Variants in NTSR1 observed in about 807,000 individuals in gnomAD.
NTSR1 encodes neurotensin receptor type 1.
In NTSR1, 29 loss-of-function variants were observed where a neutral mutation model predicts 31.2. The ratio of observed to expected loss-of-function variants is 0.93; its 90% CI spans 0.69 to 1.27. NTSR1 has a LOEUF of 1.27. Among genes scored for constraint, NTSR1 ranks in the 50% most tolerant of loss-of-function variants. NTSR1 has a pLI of 0.00. For synonymous variants in NTSR1, 282 were observed against 269.9 expected (o/e 1.04, Z -0.44); for missense variants, 697 against 595.4 (o/e 1.17, Z -1.78).
At chr20:62,759,571 G>A (rs1294333729) in intron 3 of NTSR1, among the ~76,000 whole-genome samples, 3 of 152,106 alleles carry the variant, frequency 2.0e-5, no homozygotes, top group African/African-American at 7.2e-5. Flanking sequence ...TCAGGAGATC[G>A]AGACCATCCT....
chr20:62,760,357 G>A lies in NTSR1; in HGVS notation c.*90G>A. On this transcript the variant is annotated 3_prime_UTR_variant, in exon 4 of 4. Transcript: ENST00000370501. The stretch of plus-strand genomic sequence containing the variant: ...GCAGCCCCCACCCGGGAGCCTTGAT[G>A]GGGGTCAGGCAGAGGCCAGCCTGCA... 8 of 1,468,316 alleles carry A rather than the reference G, an allele frequency of 5.4e-6. No individual in the cohort carries two copies. The South Asian group carries it at 6.6e-5, about 12-fold the overall frequency. 91.0% of individuals were successfully genotyped at this position (1,468,316 alleles called of 1,614,324 possible). A position where few individuals can be genotyped will look rare whatever the true frequency, so the allele number is the denominator to read the frequency against.
At chr20:62,716,061 A>G (rs1448159177) in intron 1 of NTSR1, among the ~76,000 whole-genome samples, 1 of 152,236 alleles carries the variant, frequency 6.6e-6, no homozygotes, top group Non-Finnish European at 1.5e-5. Context: ...ATCACTTAAA[A>G]TGTGCTGTTT....
chr20:62,755,178 AC>A (rs1268238312), intron 2 of NTSR1, among the ~76,000 whole-genome samples: 3 of 45,838 alleles, frequency 6.5e-5, no homozygotes, highest in African/African-American at 3.0e-4. Context: ...CTATCCCTCC[AC>A]CCCTCCCTCC....
rs1422978310 is a variant in NTSR1, at chr20:62,762,271, A to T, written c.*2004A>T. ...TGAGCCTCGGTTTCCCCATCTAAGG[A>T]ACAGATGTGGTCGTTCCGCCCTCTC... On this transcript the variant is annotated 3_prime_UTR_variant, in exon 4 of 4. Transcript: ENST00000370501. 6.6e-6 allele frequency: 1 copy of T among 152,168 alleles called. No individual in the cohort carries two copies. The highest frequency in any genetic ancestry group is 2.4e-5 in the African/African-American group (1 of 41,418). The allele number at this position is 152,168 out of a possible 1,614,324, so 9.4% of individuals were successfully genotyped here. A position where few individuals can be genotyped will look rare whatever the true frequency, so the allele number is the denominator to read the frequency against.
rs187121868 is a variant in NTSR1, at chr20:62,743,991, G to T, written c.715-10694G>T. ...CCAACCACCCAGAGGCTGCGCCCCG[G>T]TCCAGATCCCCCTAACACACCTGCT... On this transcript the variant is annotated intron_variant, in intron 1 of 3. Transcript: ENST00000370501. This position sits in a 1 kb window ranked among gnomAD's most constrained non-coding sequence, Gnocchi z 7.5. Among the ~76,000 whole-genome samples the T allele has an allele frequency of 2.3e-3, 349 of 152,228 alleles. No individual in the cohort carries two copies. Among genetic ancestry groups the T allele is most frequent in the African/African-American group, 7.6e-3 (317 of 41,532 alleles).
chr20:62,749,409 T>C (rs1989356321), intron 1 of NTSR1, among the ~76,000 whole-genome samples: 1 of 152,028 alleles, frequency 6.6e-6, no homozygotes, highest in Non-Finnish European at 1.5e-5. Flanking sequence ...GATCTAAACA[T>C]AAAACCTGAA....
chr20:62,759,502 C>T (rs950522508), intron 3 of NTSR1, among the ~76,000 whole-genome samples: 5 of 150,690 alleles, frequency 3.3e-5, no homozygotes, highest in African/African-American at 7.3e-5. Context: ...GGGTGGGACA[C>T]GGTGGCTCAC....
chr20:62,730,687 T>C (rs542752148), intron 1 of NTSR1, among the ~76,000 whole-genome samples: 1 of 152,370 alleles, frequency 6.6e-6, no homozygotes, highest in African/African-American at 2.4e-5. Context: ...GGCTGCGCCA[T>C]TTTGAATTCC....
chr20:62,753,941 G>A (rs957894054), intron 1 of NTSR1, among the ~76,000 whole-genome samples: 1 of 152,234 alleles, frequency 6.6e-6, no homozygotes, highest in African/African-American at 2.4e-5. Context: ...GCCAGGAGTC[G>A]CAGAAGGAGC....
intron 1 of NTSR1, among the ~76,000 whole-genome samples, chr20:62,751,783 G>A (rs1048492580): frequency 7.9e-5 from 12 of 152,234 alleles, no homozygotes; most frequent in African/African-American, 1.7e-4. Context: ...GGAAGGAGGC[G>A]GGTGGGACAG....
chr20:62,737,787 C>T (rs1019363541), intron 1 of NTSR1, among the ~76,000 whole-genome samples: 2 of 152,030 alleles, frequency 1.3e-5, no homozygotes, highest in Non-Finnish European at 2.9e-5. Flanking sequence ...CCTGCTTTAC[C>T]TCCTGCTGCT....
Position 62,760,351 on chromosome 20 carries a change from C to T in NTSR1, c.*84C>T. The T allele has an allele frequency of 6.7e-7, 1 of 1,489,650 alleles. No homozygotes were observed. Among genetic ancestry groups the T allele is most frequent in the Non-Finnish European group, 9.0e-7 (1 of 1,114,026 alleles). The allele number at this position is 1,489,650 out of a possible 1,614,324, so 92.3% of individuals were successfully genotyped here. A position where few individuals can be genotyped will look rare whatever the true frequency, so the allele number is the denominator to read the frequency against. On this transcript the variant is annotated 3_prime_UTR_variant, in exon 4 of 4. Transcript: ENST00000370501. ...GACAGAGCAGCCCCCACCCGGGAGC[C>T]TTGATGGGGGTCAGGCAGAGGCCAG...
chr20:62,748,941 T>C (rs1396188892), intron 1 of NTSR1, among the ~76,000 whole-genome samples: 1 of 152,130 alleles, frequency 6.6e-6, no homozygotes, highest in Non-Finnish European at 1.5e-5. Flanking sequence ...GCAAGAAGGC[T>C]TTCACCAGTC....
chr20:62,744,905 A>G lies in NTSR1; in HGVS notation c.715-9780A>G, dbSNP rs1194907948. ...GCCATTCCCAGACCCAGACAGGGCT[A>G]GGAGGCAAGGGGTAGCAGCTGAGGG... On this transcript the variant is annotated intron_variant, in intron 1 of 3. Coordinates refer to ENST00000370501, the MANE Select transcript of NTSR1 (RefSeq NM_002531.3). The surrounding 1 kb of genome is among the most constrained non-coding windows in gnomAD (Gnocchi z 4.1). 6.6e-5 allele frequency among the ~76,000 whole-genome samples: 10 copies of G among 152,152 alleles called. No individual in the cohort carries two copies. Among genetic ancestry groups the G allele is most frequent in the Non-Finnish European group, 1.3e-4 (9 of 68,014 alleles).
chr20:62,732,836 T>A lies in NTSR1; in HGVS notation c.715-21849T>A, dbSNP rs926786435. 6.6e-6 allele frequency: 1 copy of A among 152,180 alleles called. No homozygotes were observed. The highest frequency in any genetic ancestry group is 1.5e-5 in the Non-Finnish European group (1 of 68,032). 9.4% of individuals were successfully genotyped at this position (152,180 alleles called of 1,614,324 possible). On this transcript the variant is annotated intron_variant, in intron 1 of 3. Transcript: ENST00000370501. This position sits in a 1 kb window ranked among gnomAD's most constrained non-coding sequence, Gnocchi z 4.0. ...TTCTAAGTCCGTGTCCCTGCGTGGC[T>A]CCAGGCACGCTGGTTCCCCATCTGA...
At chr20:62,723,378 G>A (rs1372914026) in intron 1 of NTSR1, among the ~76,000 whole-genome samples, 3 of 152,140 alleles carry the variant, frequency 2.0e-5, no homozygotes, top group Admixed American at 6.5e-5. Context: ...GGGAGGGACC[G>A]CAAGTGTGTC....
chr20:62,742,564 C>T lies in NTSR1; in HGVS notation c.715-12121C>T, dbSNP rs1338291424. ...CTACCAGAACCTTCTAGAACAAGGT[C>T]ACACTGGCAGTTCTTTATGCCTTCC... On this transcript the variant is annotated intron_variant, in intron 1 of 3. Transcript: ENST00000370501. This position sits in a 1 kb window ranked among gnomAD's most constrained non-coding sequence, Gnocchi z 7.1. Among the ~76,000 whole-genome samples the T allele has an allele frequency of 2.7e-5, 4 of 149,568 alleles. 1 individual carries two copies. The East Asian group carries it at 6.7e-4, about 25-fold the overall frequency.
chr20:62,753,190 G>A (rs1452479178), intron 1 of NTSR1, among the ~76,000 whole-genome samples: 9 of 152,304 alleles, frequency 5.9e-5, no homozygotes, highest in Middle Eastern at 3.4e-3. Context: ...CGGGAGCTTC[G>A]ATGGGAGCAG....
intron 3 of NTSR1, among the ~76,000 whole-genome samples, chr20:62,759,550 G>A (rs745317575): frequency 4.1e-4 from 63 of 151,930 alleles, no homozygotes; most frequent in Non-Finnish European, 8.5e-4. Context: ...TGAGGTGGGT[G>A]GATCACGAGG....
Sources: gnomAD v4.1 joint callset for allele counts (sites outside exome capture counted in the v4.1 genomes callset) on GRCh38, gnomAD v4.1.1 for gene constraint, Gnocchi (gnomAD v3.1) non-coding constraint, MANE v1.5 for transcripts, NCBI Gene and HGNC (gene_info 2026-07-23, HGNC 2026-07-21) for gene names.